VWA3B: variants seen among roughly 807,000 people sequenced by gnomAD.
VWA3B encodes von Willebrand factor A domain-containing protein 3B.
In VWA3B, 138 loss-of-function variants were observed where a neutral mutation model predicts 158.3. The ratio of observed to expected loss-of-function variants is 0.87; its 90% CI spans 0.76 to 1.00. The LOEUF is 1.00. Ranked by LOEUF, VWA3B falls within the 50% of genes least tolerant of loss-of-function variation. The probability of loss-of-function intolerance (pLI) is 0.00; values close to 1 mark genes in which losing one functional copy is unlikely to be tolerated. For missense variants in VWA3B, 1,555 were observed against 1,565.1 expected (o/e 0.99, Z 0.11); for synonymous variants, 596 against 587.3 (o/e 1.01, Z -0.21).
intron 22 of VWA3B, among the ~76,000 whole-genome samples, chr2:98,285,650 T>C (rs979601399): frequency 1.3e-5 from 2 of 151,286 alleles, no homozygotes; most frequent in Non-Finnish European, 3.0e-5. Context: ...ACTGTAGGTA[T>C]AGGAAGTTTC....
rs536923199 is a variant in VWA3B, at chr2:98,182,145, C to T, written c.1311+933C>T. ...GACAGGCAGGTGACAGGCGGGTGAC[C>T]GCAGCCCAGAGGAGACACCTGGGAA... On this transcript the variant is annotated intron_variant, in intron 9 of 27. Coordinates refer to ENST00000477737, the MANE Select transcript of VWA3B (RefSeq NM_144992.5). 1.3e-4 allele frequency among the ~76,000 whole-genome samples: 20 copies of T among 152,300 alleles called. No individual in the cohort carries two copies. In the South Asian group the frequency reaches 4.1e-3, roughly 32 times the overall value.
chr2:98,143,752 CTTTTTTT>C (rs534351736), intron 7 of VWA3B, among the ~76,000 whole-genome samples: 53 of 130,940 alleles, frequency 4.0e-4, no homozygotes, highest in Non-Finnish European at 6.2e-4. Flanking sequence ...CTTTTCTTTT[CTTTTTTT>C]TTTTTTTTTT....
At chr2:98,264,624 C>A (rs1192843093) in intron 21 of VWA3B, among the ~76,000 whole-genome samples, 1 of 151,976 alleles carries the variant, frequency 6.6e-6, no homozygotes, top group East Asian at 1.9e-4. Context: ...TGTTTTGTGG[C>A]CTAACATTCA....
intron 12 of VWA3B, among the ~76,000 whole-genome samples, chr2:98,195,259 G>A (rs1681945358): frequency 1.3e-5 from 2 of 152,272 alleles, no homozygotes; most frequent in South Asian, 4.1e-4. Context: ...ACCAGCCTGG[G>A]CAACAGAGCA....
At chr2:98,145,368 G>A (rs1677097979) in intron 7 of VWA3B, among the ~76,000 whole-genome samples, 1 of 152,274 alleles carries the variant, frequency 6.6e-6, no homozygotes, top group African/African-American at 2.4e-5. Context: ...CCATGGAGTA[G>A]GTACTATTAT....
In VWA3B at chr2:98,312,233, C is replaced by G. The variant is rs201018704; in HGVS notation, c.3769C>G (p.Leu1257Val). 1.9e-6 allele frequency: 3 copies of G among 1,614,196 alleles called. No homozygotes were observed. The Admixed American group carries it at 5.0e-5, about 27-fold the overall frequency. The change falls in exon 28 of 28, where the codon CTA (leucine) becomes GTA (valine). Residue 1257 changes from leucine (L) to valine (V), a missense_variant. Physicochemically the swap from Leu to Val is conservative, Grantham distance 32. Transcript: ENST00000477737. ...AHLHFPAAGR[L>V]GLSSHAIIAT... ...CCTCCACTTCCCCGCGGCCGGGCGT[C>G]TAGGACTCAGCAGCCACGCCATCAT... is the stretch of plus-strand genomic sequence containing the variant.
At chr2:98,220,713 A>G (rs1684420461) in intron 14 of VWA3B, among the ~76,000 whole-genome samples, 1 of 152,230 alleles carries the variant, frequency 6.6e-6, no homozygotes, top group Non-Finnish European at 1.5e-5. Context: ...AAGACATGGA[A>G]CCAACCCAAA....
chr2:98,235,580 C>T (rs1436796347), intron 17 of VWA3B, among the ~76,000 whole-genome samples: 3 of 152,170 alleles, frequency 2.0e-5, no homozygotes, highest in South Asian at 2.1e-4. Flanking sequence ...CAGCCGCCAA[C>T]AGGCCAAGCT....
chr2:98,311,145 A>G (rs1208486630), intron 26 of VWA3B, among the ~76,000 whole-genome samples: 1 of 152,190 alleles, frequency 6.6e-6, no homozygotes, highest in Non-Finnish European at 1.5e-5. Flanking sequence ...GGGTGTCCTT[A>G]ACTTACCCTG....
At chr2:98,185,636 G>A (rs925306286) in intron 9 of VWA3B, among the ~76,000 whole-genome samples, 4 of 152,114 alleles carry the variant, frequency 2.6e-5, no homozygotes, top group African/African-American at 7.2e-5. Flanking sequence ...TGTGAACATC[G>A]ACGGGAATGT....
chr2:98,234,638 A>C lies in VWA3B; in HGVS notation c.2309-10A>C. 6.2e-7 allele frequency: 1 copy of C among 1,614,134 alleles called. No homozygotes were observed. Among genetic ancestry groups the C allele is most frequent in the Non-Finnish European group, 8.5e-7 (1 of 1,179,990 alleles). On this transcript the variant is annotated splice_polypyrimidine_tract_variant and intron_variant, in intron 16 of 27. Transcript: ENST00000477737. ...AATTCCTTTAACTCTTCCCTCTGTG[A>C]TACCAACAGAATCAACCAAAACCAG...
rs145646121 is a variant in VWA3B, at chr2:98,239,689, G to A, written c.2673+2959G>A. On this transcript the variant is annotated intron_variant, in intron 19 of 27. Transcript: ENST00000477737. Reference sequence around the variant, plus strand: ...CAGCACTTCAGGAGGCCGAGGCAGCGGATCATTAGGTCAGGAGATCGAGAC... The same window carrying A: ...CAGCACTTCAGGAGGCCGAGGCAGCAGATCATTAGGTCAGGAGATCGAGAC... 2.9e-4 allele frequency among the ~76,000 whole-genome samples: 44 copies of A among 151,966 alleles called. No individual in the cohort carries two copies. In the East Asian group the frequency reaches 2.9e-3, roughly 10 times the overall value.
rs752915888 is a variant in VWA3B at position 98,311,839 on chromosome 2, A to C, written c.3542A>C (p.Asn1181Thr). The C allele has an allele frequency of 2.5e-6, 4 of 1,609,608 alleles. No homozygotes were observed. In the Admixed American group the frequency reaches 6.7e-5, roughly 27 times the overall value. The change falls in exon 27 of 28, where the codon AAC becomes ACC. Residue 1181 changes from asparagine (N) to threonine (T), a missense_variant. Asn to Thr is a moderately conservative substitution (Grantham distance 65). Coordinates refer to ENST00000477737, the MANE Select transcript of VWA3B (RefSeq NM_144992.5). ...DPEVEDVEAR[N>T]SAFLFWPLKE... ...TCTAGAGAGGATGTGGAGGCGAGGAACTCTGCTTTCCTCTTCTGGCCACTG... is the reference window on the plus strand; with the variant it reads ...TCTAGAGAGGATGTGGAGGCGAGGACCTCTGCTTTCCTCTTCTGGCCACTG...
At chr2:98,290,421 A>C (rs542118968) in intron 22 of VWA3B, 90 bp from the exon 23 acceptor site, 39 of 1,007,210 alleles carry the variant, frequency 3.9e-5, no homozygotes, top group Admixed American at 3.8e-4. Context: ...ACACAGAGCC[A>C]AACCATATCA....
chr2:98,182,745 C>A (rs1680699424), intron 9 of VWA3B, among the ~76,000 whole-genome samples: 1 of 151,876 alleles, frequency 6.6e-6, no homozygotes, highest in African/African-American at 2.4e-5. Context: ...CATGGTGAAA[C>A]CCCATCTCTA....
At chr2:98,260,851 A>C (rs888851057) in intron 21 of VWA3B, among the ~76,000 whole-genome samples, 1 of 151,186 alleles carries the variant, frequency 6.6e-6, no homozygotes, top group South Asian at 2.1e-4. Flanking sequence ...AGCCACTCCA[A>C]CTCTCTTTGG....
At chr2:98,246,602 A>T (rs1166903692) in intron 19 of VWA3B, among the ~76,000 whole-genome samples, 1 of 151,772 alleles carries the variant, frequency 6.6e-6, no homozygotes, top group Non-Finnish European at 1.5e-5. Context: ...GGCTGATCTC[A>T]AACTCCTGAC....
chr2:98,305,784 T>C (rs1431971601), intron 26 of VWA3B, among the ~76,000 whole-genome samples: 3 of 152,110 alleles, frequency 2.0e-5, no homozygotes, highest in Admixed American at 6.6e-5. Flanking sequence ...GGAGTTCTCA[T>C]GTCCTCCAGC....
At chr2:98,134,098 G>A in intron 7 of VWA3B, 159 bp downstream of exon 7, 1 of 638,432 alleles carries the variant, frequency 1.6e-6, no homozygotes. Flanking sequence ...TTAGTGGTGA[G>A]TTTGTCAGCG....
Sources: gnomAD v4.1 joint callset for allele counts (sites outside exome capture counted in the v4.1 genomes callset) on GRCh38, gnomAD v4.1.1 for gene constraint, MANE v1.5 for transcripts, NCBI Gene and HGNC (gene_info 2026-07-23, HGNC 2026-07-21) for gene names.